Variants in CDH4 observed in about 807,000 individuals in gnomAD.
CDH4 encodes the protein cadherin 4.
Under a neutral mutation model 86.0 loss-of-function variants are expected in CDH4, and 33 were observed. The ratio of observed to expected loss-of-function variants is 0.38; its 90% CI spans 0.29 to 0.51. CDH4 has a LOEUF of 0.51. CDH4 is among the 20% of genes least tolerant of loss of function. The probability of loss-of-function intolerance (pLI) is 0.86; values close to 1 mark genes in which losing one functional copy is unlikely to be tolerated. For synonymous variants in CDH4, 555 were observed against 549.4 expected (o/e 1.01, Z -0.14); for missense variants, 1,114 against 1,307.4 (o/e 0.85, Z 2.28).
At chr20:61,885,581 G>T (rs556664119) in intron 7 of CDH4, among the ~76,000 whole-genome samples, 10 of 152,294 alleles carry the variant, frequency 6.6e-5, no homozygotes, top group African/African-American at 2.4e-4. Flanking sequence ...TGTTAATGGC[G>T]CTGCTTTGAA....
chr20:61,820,017 C>A (rs1980933490), intron 4 of CDH4, among the ~76,000 whole-genome samples: 1 of 152,208 alleles, frequency 6.6e-6, no homozygotes, highest in Admixed American at 6.5e-5. Context: ...TTCCCGGGGA[C>A]CGTGTCTGGC....
chr20:61,760,108 C>G (rs1003307924), intron 3 of CDH4, among the ~76,000 whole-genome samples: 1 of 151,890 alleles, frequency 6.6e-6, no homozygotes, highest in Non-Finnish European at 1.5e-5. Flanking sequence ...GCTCTCTTGT[C>G]AGCCACAATT....
chr20:61,363,043 G>A (rs2084793018), intron 2 of CDH4, among the ~76,000 whole-genome samples: 1 of 152,266 alleles, frequency 6.6e-6, no homozygotes, highest in Non-Finnish European at 1.5e-5. Context: ...CCATTTGTGA[G>A]GACAGTGAGT....
In CDH4 at chr20:61,910,461, G is replaced by T. The variant is rs759348321; in HGVS notation, c.1228G>T (p.Val410Phe). 1 of 1,613,922 alleles carries T rather than the reference G, an allele frequency of 6.2e-7. No homozygotes were observed. The highest frequency in any genetic ancestry group is 8.5e-7 in the Non-Finnish European group (1 of 1,179,984). ...CCCCGAAAACCGCGTGGAGACCGTGGTCGCAAACCTCACGGTGATGGACCG... is the reference window on the plus strand; with the variant it reads ...CCCCGAAAACCGCGTGGAGACCGTGTTCGCAAACCTCACGGTGATGGACCG... ...EVPENRVETV[V>F]ANLTVMDRDQ... The change falls in exon 9 of 16, where the codon GTC (valine) becomes TTC (phenylalanine). Residue 410 changes from valine to phenylalanine, a missense_variant. Val to Phe is a conservative substitution (Grantham distance 50, BLOSUM62 -1). Transcript: ENST00000614565.
chr20:61,775,410 A>G (rs548799865), intron 4 of CDH4, among the ~76,000 whole-genome samples: 4 of 152,078 alleles, frequency 2.6e-5, no homozygotes, highest in Non-Finnish European at 5.9e-5. Flanking sequence ...GTAGACAGTC[A>G]TCGATCTTAC....
At chr20:61,736,102 C>T (rs2088259764) in intron 2 of CDH4, among the ~76,000 whole-genome samples, 1 of 151,858 alleles carries the variant, frequency 6.6e-6, no homozygotes, top group African/African-American at 2.4e-5. Flanking sequence ...ATCTCTGAGC[C>T]TTCTTGCAGT....
intron 6 of CDH4, among the ~76,000 whole-genome samples, chr20:61,859,008 C>G (rs1983198863): frequency 6.6e-6 from 1 of 152,168 alleles, no homozygotes; most frequent in Admixed American, 6.5e-5. Flanking sequence ...GAGGGGCTGC[C>G]CCATCGCACA....
chr20:61,346,067 A>G (rs1034408582), intron 2 of CDH4, among the ~76,000 whole-genome samples: 22 of 152,212 alleles, frequency 1.4e-4, no homozygotes, highest in African/African-American at 5.1e-4. Flanking sequence ...CGCGGGACAA[A>G]TTAACCCACG....
At chr20:61,772,235 TG>T in intron 3 of CDH4, among the ~76,000 whole-genome samples, 1 of 152,266 alleles carries the variant, frequency 6.6e-6, no homozygotes, top group African/African-American at 2.4e-5. Flanking sequence ...TACACACAGG[TG>T]GGGTCCAAGG....
intron 2 of CDH4, among the ~76,000 whole-genome samples, chr20:61,298,813 CT>C (rs11479514): frequency 0.92 from 137,633 of 149,372 alleles, 64,012 homozygotes; most frequent in Non-Finnish European, 0.99. Context: ...TGGTGAGAGT[CT>C]TTTTTTTTTT....
chr20:61,353,409 T>C (rs988525602), intron 2 of CDH4, among the ~76,000 whole-genome samples: 9 of 152,116 alleles, frequency 5.9e-5, no homozygotes, highest in Non-Finnish European at 1.2e-4. Context: ...CATTGCATAA[T>C]GCCTGCGACT....
intron 6 of CDH4, among the ~76,000 whole-genome samples, chr20:61,870,410 G>C (rs967734225): frequency 1.6e-4 from 25 of 152,228 alleles, no homozygotes; most frequent in Admixed American, 4.6e-4. Flanking sequence ...CAGCCCGAGA[G>C]ACCGTCATTC....
In CDH4 at chr20:61,676,464, T is replaced by A. The variant is rs1033357904; in HGVS notation, c.170-67099T>A. Among the ~76,000 whole-genome samples, 3 of 152,044 alleles carry A rather than the reference T, an allele frequency of 2.0e-5. No individual in the cohort carries two copies. Among genetic ancestry groups the A allele is most frequent in the African/African-American group, 4.8e-5 (2 of 41,404 alleles). On this transcript the variant is annotated intron_variant, in intron 2 of 15. Transcript: ENST00000614565. This position sits in a 1 kb window ranked among gnomAD's most constrained non-coding sequence, Gnocchi z 4.5. ...TGAACAATGGAGGCCCGGGGCTCCC[T>A]CCTCCTGGGTCTACCCCTTTAGGAG...
chr20:61,853,058 C>T (rs1400171054), intron 6 of CDH4, among the ~76,000 whole-genome samples, 160 bp downstream of exon 6: 1 of 152,202 alleles, frequency 6.6e-6, no homozygotes, highest in East Asian at 1.9e-4. Flanking sequence ...ACCAAAGCCC[C>T]TGCTCTCACA....
chr20:61,326,693 G>A (rs374947168), intron 2 of CDH4, among the ~76,000 whole-genome samples: 1 of 152,122 alleles, frequency 6.6e-6, no homozygotes. Flanking sequence ...ACTGAGTGTC[G>A]GGTGGTGAAA....
chr20:61,385,596 G>A (rs2084946721), intron 2 of CDH4, among the ~76,000 whole-genome samples: 1 of 152,236 alleles, frequency 6.6e-6, no homozygotes, highest in East Asian at 1.9e-4. Flanking sequence ...TGCCAAACGC[G>A]TGACTAGCCT....
At chr20:61,625,645 A>T (rs1002293747) in intron 2 of CDH4, among the ~76,000 whole-genome samples, 65 of 152,256 alleles carry the variant, frequency 4.3e-4, no homozygotes, top group African/African-American at 1.5e-3. Flanking sequence ...GTTTTTCAGG[A>T]TTGCTTTTAG....
At chr20:61,561,884 T>G (rs2086218589) in intron 2 of CDH4, among the ~76,000 whole-genome samples, 1 of 152,270 alleles carries the variant, frequency 6.6e-6, no homozygotes, top group Non-Finnish European at 1.5e-5. Flanking sequence ...TGGGCCCCAG[T>G]GGCTGCATGC....
chr20:61,701,481 G>A lies in CDH4; in HGVS notation c.170-42082G>A, dbSNP rs151064717. On this transcript the variant is annotated intron_variant, in intron 2 of 15. Transcript: ENST00000614565. ...CACATAGGTGGGTTTGGAGGTTTGG[G>A]TGCAGCTGGCAGTGCCATGGCCTCC... Among the ~76,000 whole-genome samples, 156 of 152,324 alleles carry A rather than the reference G, an allele frequency of 1.0e-3. 4 individuals are homozygous for A. The South Asian group carries it at 0.021, about 20-fold the overall frequency.
Sources: gnomAD v4.1 joint callset for allele counts (sites outside exome capture counted in the v4.1 genomes callset) on GRCh38, gnomAD v4.1.1 for gene constraint, Gnocchi (gnomAD v3.1) non-coding constraint, MANE v1.5 for transcripts, NCBI Gene and HGNC (gene_info 2026-07-23, HGNC 2026-07-21) for gene names.